Variants in CRISP1 observed in about 807,000 individuals in gnomAD.
The protein encoded by CRISP1 is cysteine rich secretory protein 1.
In CRISP1, 44 loss-of-function variants were observed where a neutral mutation model predicts 33.1. The observed-to-expected ratio is 1.33, with a 90% CI of 1.05 to 1.71. The LOEUF (loss-of-function observed/expected upper bound fraction) is 1.71. Among genes scored for constraint, CRISP1 ranks in the 40% most tolerant of loss-of-function variants. The probability of loss-of-function intolerance (pLI) is 0.00; values close to 1 mark genes in which losing one functional copy is unlikely to be tolerated. For missense variants in CRISP1, 390 were observed against 301.2 expected, an observed-to-expected ratio of 1.29 and a Z score of -2.18; for synonymous variants, 103 against 98.7, an observed-to-expected ratio of 1.04 and a Z score of -0.26.
At chr6:49,870,469 T>C (rs1335645841), upstream of CRISP1, among the ~76,000 whole-genome samples, 3 of 152,152 alleles carry the variant, frequency 2.0e-5, no homozygotes, top group Non-Finnish European at 4.4e-5. Flanking sequence ...TGGAAAGGGC[T>C]GCCTTGCAAG....
intron 2 of CRISP1, among the ~76,000 whole-genome samples, chr6:49,855,116 T>C (rs1417249823): frequency 6.6e-6 from 1 of 152,110 alleles, no homozygotes; most frequent in Non-Finnish European, 1.5e-5. Context: ...ACAAACACAC[T>C]CTTTATTTTT....
At chr6:49,857,037 G>A (rs1201216798) in intron 2 of CRISP1, among the ~76,000 whole-genome samples, 1 of 152,042 alleles carries the variant, frequency 6.6e-6, no homozygotes, top group Non-Finnish European at 1.5e-5. Context: ...GTTATTCAGA[G>A]AGGCCACAAT....
Position 49,846,613 on chromosome 6 carries a change from A to C in CRISP1, c.342T>G (p.Ser114Arg). 1 of 1,613,596 alleles carries C rather than the reference A, an allele frequency of 6.2e-7. No homozygotes were observed. The highest frequency in any genetic ancestry group is 8.5e-7 in the Non-Finnish European group (1 of 1,179,680). Reference sequence around the variant, plus strand: ...ACTCACTGTACCAGACTCCAATTACACTTGACCATGATACAGGATAAGATG... The same window carrying C: ...ACTCACTGTACCAGACTCCAATTACCCTTGACCATGATACAGGATAAGATG... ...HMTSYPVSWS[S>R]VIGVWYSEST... Residue 114 changes from serine (S) to arginine (R), a missense_variant, in exon 5 of 8, where the codon AGT becomes AGG. By Grantham distance (110) the Ser-to-Arg change is moderately radical (BLOSUM62 -1). Transcript: ENST00000335847.
chr6:49,871,448 A>C (rs12212140), upstream of CRISP1, among the ~76,000 whole-genome samples: 14,714 of 152,150 alleles, frequency 0.097, 990 homozygotes, highest in Non-Finnish European at 0.15. Flanking sequence ...ATTTTTTCTA[A>C]GTCCAACCCA....
chr6:49,870,900 C>T (rs1043797604), upstream of CRISP1, among the ~76,000 whole-genome samples: 1 of 151,984 alleles, frequency 6.6e-6, no homozygotes, highest in African/African-American at 2.4e-5. Context: ...TGTTTGAGAC[C>T]AGCCTGGCCA....
chr6:49,858,464 T>C (rs906333307), intron 1 of CRISP1, among the ~76,000 whole-genome samples: 1 of 152,168 alleles, frequency 6.6e-6, no homozygotes, highest in Non-Finnish European at 1.5e-5. Context: ...GGGCAGACAA[T>C]TAATCATGCT....
At chr6:49,871,373 T>C (rs543476662), upstream of CRISP1, among the ~76,000 whole-genome samples, 1 of 152,112 alleles carries the variant, frequency 6.6e-6, no homozygotes, top group Non-Finnish European at 1.5e-5. Flanking sequence ...GCTTCTAAAA[T>C]GGTCACTCTA....
chr6:49,865,474 T>A (rs13201512), intron 1 of CRISP1, among the ~76,000 whole-genome samples: 1 of 152,226 alleles, frequency 6.6e-6, no homozygotes, highest in South Asian at 2.1e-4. Flanking sequence ...AAGTGTGCAG[T>A]CATATTTCTT....
At chr6:49,839,290 A>C (rs1423673735) in intron 6 of CRISP1, among the ~76,000 whole-genome samples, 14 of 150,542 alleles carry the variant, frequency 9.3e-5, no homozygotes, top group African/African-American at 3.4e-4. Context: ...AAAAAAAAAA[A>C]AAAAAAAAAA....
intron 7 of CRISP1, among the ~76,000 whole-genome samples, chr6:49,836,078 G>T (rs1397403455): frequency 1.3e-5 from 2 of 152,080 alleles, no homozygotes; most frequent in African/African-American, 2.4e-5. Context: ...GCACCAAAAA[G>T]CTTACCAAAA....
upstream of CRISP1, among the ~76,000 whole-genome samples, chr6:49,868,350 T>C (rs1771846315): frequency 6.6e-6 from 1 of 152,208 alleles, no homozygotes; most frequent in African/African-American, 2.4e-5. Context: ...CCTAAAATAA[T>C]AATCTGACAC....
At chr6:49,845,802 A>C (rs1771146609) in intron 5 of CRISP1, among the ~76,000 whole-genome samples, 1 of 152,182 alleles carries the variant, frequency 6.6e-6, no homozygotes, top group Admixed American at 6.5e-5. Context: ...CCTTAAAAAA[A>C]AGAATACAAT....
At chr6:49,867,009 T>C (rs1771815434), upstream of CRISP1, among the ~76,000 whole-genome samples, 1 of 152,112 alleles carries the variant, frequency 6.6e-6, no homozygotes, top group Non-Finnish European at 1.5e-5. Context: ...AGATAAGTAG[T>C]CCATTTTCCT....
chr6:49,846,691 G>T (rs747758048), intron 4 of CRISP1, 23 bp from the exon 5 acceptor site: 1 of 1,608,718 alleles, frequency 6.2e-7, no homozygotes, highest in Non-Finnish European at 8.5e-7. Context: ...AACGGGCTGG[G>T]TCATACTCTG....
intron 1 of CRISP1, among the ~76,000 whole-genome samples, chr6:49,875,706 G>A (rs976791614): frequency 1.3e-5 from 2 of 152,066 alleles, no homozygotes; most frequent in Non-Finnish European, 1.5e-5. Flanking sequence ...CAGATACATA[G>A]ACCAGTGGAA....
intron 1 of CRISP1, 44 bp from the exon 2 acceptor site, chr6:49,857,446 G>A: frequency 6.5e-7 from 1 of 1,542,764 alleles, no homozygotes; most frequent in Non-Finnish European, 8.9e-7. Flanking sequence ...TCAATTCATG[G>A]GATAACATCT....
intron 1 of CRISP1, among the ~76,000 whole-genome samples, chr6:49,859,400 G>GAAAAAAA (rs76029848): frequency 9.7e-6 from 1 of 102,760 alleles, no homozygotes; most frequent in Non-Finnish European, 2.1e-5. Context: ...AGTGCTGAAA[G>GAAAAAAA]AAAAAAAAAA....
upstream of CRISP1, among the ~76,000 whole-genome samples, chr6:49,870,933 C>G (rs1000428628): frequency 6.6e-6 from 1 of 151,788 alleles, no homozygotes. Context: ...AAACCCCATG[C>G]CTACTAAAAA....
chr6:49,868,956 C>T (rs1015690825), upstream of CRISP1, among the ~76,000 whole-genome samples: 2 of 152,010 alleles, frequency 1.3e-5, no homozygotes, highest in South Asian at 4.2e-4. Context: ...TTGAAATTTC[C>T]CCCCTCTTCT....
Sources: gnomAD v4.1 joint callset for allele counts (sites outside exome capture counted in the v4.1 genomes callset) on GRCh38, gnomAD v4.1.1 for gene constraint, MANE v1.5 for transcripts, NCBI Gene and HGNC (gene_info 2026-07-23, HGNC 2026-07-21) for gene names.